KLK10: variants seen among roughly 807,000 people sequenced by gnomAD.
The protein encoded by KLK10 is kallikrein-10.
Under a neutral mutation model 25.7 loss-of-function variants are expected in KLK10, and 27 were observed. That is an observed-to-expected ratio of 1.05 (90% CI 0.77 to 1.45). The LOEUF is 1.45. Ranked by LOEUF, KLK10 falls within the 40% of genes most tolerant of loss-of-function variation. KLK10 has a pLI of 0.00. For synonymous variants in KLK10, 173 were observed against 160.1 expected (o/e 1.08, Z -0.61); for missense variants, 386 against 370.0 (o/e 1.04, Z -0.35).
rs1160299713 is a variant in KLK10 at position 51,019,465 on chromosome 19, G to C, written c.-10+162C>G. Among the ~76,000 whole-genome samples, 1 of 152,134 alleles carries C rather than the reference G, an allele frequency of 6.6e-6. No homozygotes were observed. The highest frequency in any genetic ancestry group is 1.9e-4 in the East Asian group (1 of 5,174). On this transcript the variant is annotated intron_variant, in intron 1 of 5. Transcript: ENST00000358789. This position sits in a 1 kb window ranked among gnomAD's most constrained non-coding sequence, Gnocchi z 4.2. Reference sequence around the variant, plus strand: ...CGCGCGGGGTGGGGATCCGAGGCTCGGAGCCAGTGGGAGCCTCTTTCTCAA... The same window carrying C: ...CGCGCGGGGTGGGGATCCGAGGCTCCGAGCCAGTGGGAGCCTCTTTCTCAA...
intron 5 of KLK10, 54 bp from the exon 6 acceptor site, chr19:51,015,006 A>G (rs2091304911): frequency 6.5e-7 from 1 of 1,549,564 alleles, no homozygotes; most frequent in Non-Finnish European, 8.8e-7. Context: ...GAGAGCTGTC[A>G]CTTTGGGATC....
intron 2 of KLK10, 79 bp downstream of exon 2, chr19:51,018,964 G>T: frequency 9.3e-7 from 1 of 1,071,298 alleles, no homozygotes; most frequent in Non-Finnish European, 1.4e-6. Context: ...GGTGCGCGGG[G>T]CTTGGTGACG....
At chr19:51,015,291 G>T in intron 5 of KLK10, 126 bp downstream of exon 5, 1 of 1,092,458 alleles carries the variant, frequency 9.2e-7, no homozygotes, top group Non-Finnish European at 1.3e-6. Flanking sequence ...TTAGGTCTGG[G>T]TAAGAGTTGG....
intron 2 of KLK10, among the ~76,000 whole-genome samples, chr19:51,018,285 G>A (rs1247940785): frequency 6.7e-6 from 1 of 148,624 alleles, no homozygotes; most frequent in Admixed American, 6.8e-5. Flanking sequence ...CGAAAGGAAG[G>A]AAGGAAAGGA....
Position 51,019,076 on chromosome 19 carries a change from T to G in KLK10, c.55A>C (p.Lys19Gln), listed in dbSNP as rs760407161. ...TGCGCCATCAGCAGCGGCAGCAGCT[T>G]CGCCAGAGCCCGGGCGCCAGAGGCG... is the stretch of plus-strand genomic sequence containing the variant. ...SAASGARALA[K>Q]LLPLLMAQLW... The change falls in exon 2 of 6, where the codon AAG becomes CAG. Residue 19 changes from lysine to glutamine, a missense_variant. Transcript: ENST00000358789. This position sits in a 1 kb window ranked among gnomAD's most constrained non-coding sequence, Gnocchi z 4.2. 2 of 1,607,052 alleles carry G rather than the reference T, an allele frequency of 1.2e-6. No individual in the cohort carries two copies. The highest frequency in any genetic ancestry group is 8.5e-7 in the Non-Finnish European group (1 of 1,179,390).
chr19:51,017,405 G>A (rs2091344610), intron 2 of KLK10, 115 bp from the exon 3 acceptor site: 3 of 917,856 alleles, frequency 3.3e-6, no homozygotes, highest in Admixed American at 2.9e-5. Flanking sequence ...GCCAGAACGC[G>A]AGGGTGGTAG....
Position 51,015,915 on chromosome 19 carries a change from C to G in KLK10, c.511G>C (p.Val171Leu). The change falls in exon 4 of 6, where the codon GTT (valine) becomes CTT (leucine). Residue 171 changes from valine (V) to leucine (L), a missense_variant. Coordinates refer to ENST00000358789, the MANE Select transcript of KLK10 (RefSeq NM_145888.3). ...RCAQPGDQCQ[V>L]AGWGTTAARR... is the part of the protein sequence containing the mutation. Reference sequence around the variant, plus strand: ...GCGGCCGTGGTGCCCCAGCCAGCAACCTGGCACTGGTCTCCGGGCTGAGCA... The same window carrying G: ...GCGGCCGTGGTGCCCCAGCCAGCAAGCTGGCACTGGTCTCCGGGCTGAGCA... 4 of 1,580,146 alleles carry G rather than the reference C, an allele frequency of 2.5e-6. No individual in the cohort carries two copies. The South Asian group carries it at 4.6e-5, about 18-fold the overall frequency.
Position 51,017,118 on chromosome 19 carries a change from G to C in KLK10, c.261C>G (p.Cys87Trp). The C allele has an allele frequency of 1.9e-6, 3 of 1,602,208 alleles. No individual in the cohort carries two copies. Among genetic ancestry groups the C allele is most frequent in the Non-Finnish European group, 2.6e-6 (3 of 1,175,078 alleles). Residue 87 changes from cysteine to tryptophan, a missense_variant, in exon 3 of 6, where the codon TGC (cysteine) becomes TGG (tryptophan). Physicochemically the swap from Cys to Trp is radical, Grantham distance 215. Transcript: ENST00000358789. ...DQSWVLTAAH[C>W]GNKPLWARVG... ...GATGGATCTCCTCCTACTTGTTTCC[G>C]CAGTGCGCGGCCGTCAGCACCCAAC...
Position 51,014,276 on chromosome 19 carries a change from C to T in KLK10, c.*524G>A, listed in dbSNP as rs1020815219. 1 of 154,402 alleles carries T rather than the reference C, an allele frequency of 6.5e-6. No individual in the cohort carries two copies. Among genetic ancestry groups the T allele is most frequent in the South Asian group, 2.0e-4 (1 of 4,956 alleles). The allele number at this position is 154,402 out of a possible 1,614,324, so 9.6% of individuals were successfully genotyped here. On this transcript the variant is annotated 3_prime_UTR_variant, in exon 6 of 6. Transcript: ENST00000358789. ...TCACCGGGACGTGGTCAGATCACGA[C>T]AACAGGTAACCTTTAGTCAGAACTC... is the stretch of plus-strand genomic sequence containing the variant.
rs995725439 is a variant in KLK10 at position 51,018,799 on chromosome 19, G to T, written c.88+244C>A. 5.2e-6 allele frequency: 3 copies of T among 577,072 alleles called. No homozygotes were observed. In the African/African-American group the frequency reaches 5.7e-5, roughly 11 times the overall value. 35.7% of individuals were successfully genotyped at this position (577,072 alleles called of 1,614,324 possible). On this transcript the variant is annotated intron_variant, in intron 2 of 5. Transcript: ENST00000358789. ...AGGAGGAGAAAGAACGCGGCGAAGA[G>T]TCCACGGAAGAGCGAGGATCCGGGT... is the stretch of plus-strand genomic sequence containing the variant.
At position 51,014,551 on chromosome 19, in the gene KLK10, C is replaced by T. The variant is rs1346992412; in HGVS notation, c.*249G>A. Reference sequence around the variant, plus strand: ...GGCTGGGTGATGACCGGCTTCCTGGCTTCTCTGGAATAAACCTTTGCCACC... The same window carrying T: ...GGCTGGGTGATGACCGGCTTCCTGGTTTCTCTGGAATAAACCTTTGCCACC... On this transcript the variant is annotated 3_prime_UTR_variant, in exon 6 of 6. Coordinates refer to ENST00000358789, the MANE Select transcript of KLK10 (RefSeq NM_145888.3). The T allele has an allele frequency of 2.4e-5, 8 of 328,066 alleles. No homozygotes were observed. 20.3% of individuals were successfully genotyped at this position (328,066 alleles called of 1,614,324 possible).
intron 3 of KLK10, 116 bp downstream of exon 3, chr19:51,016,994 A>G: frequency 8.4e-6 from 9 of 1,074,388 alleles, no homozygotes; most frequent in Non-Finnish European, 1.2e-5. Context: ...CTGGAAGGAC[A>G]CCGGGGACCG....
chr19:51,019,243 C>T lies in KLK10; in HGVS notation c.-9-104G>A. 1 of 710,618 alleles carries T rather than the reference C, an allele frequency of 1.4e-6. No individual in the cohort carries two copies. The highest frequency in any genetic ancestry group is 2.3e-6 in the Non-Finnish European group (1 of 434,186). The allele number at this position is 710,618 out of a possible 1,614,324, so 44.0% of individuals were successfully genotyped here. ...CCTGGGCCACCCCAGCCCGCAAGCA[C>T]CCTTTTGACCTGCAGCCGATAACCC... On this transcript the variant is annotated intron_variant, in intron 1 of 5. Transcript: ENST00000358789. This position sits in a 1 kb window ranked among gnomAD's most constrained non-coding sequence, Gnocchi z 4.2.
Position 51,015,541 on chromosome 19 carries a change from T to TTGTA in KLK10, c.550_553dup (p.Asn185IlefsTer16). On this transcript the variant is annotated frameshift_variant, in exon 5 of 6. Transcript: ENST00000358789. LOFTEE classifies it high-confidence loss of function. ...GATGCTGGAGCAGGTCAGGCCCTTG[T>TTGTA]TGTACTTCACTGAAGGGAGAATATG... is the stretch of plus-strand genomic sequence containing the variant. 6.2e-7 allele frequency: 1 copy of TTGTA among 1,613,752 alleles called. No individual in the cohort carries two copies. The highest frequency in any genetic ancestry group is 8.5e-7 in the Non-Finnish European group (1 of 1,179,754).
chr19:51,019,066 G>A lies in KLK10; in HGVS notation c.65C>T (p.Pro22Leu), dbSNP rs767114874. ...SGARALAKLL[P>L]LLMAQLWAAE... ...ACCCCAGAGTTGCGCCATCAGCAGC[G>A]GCAGCAGCTTCGCCAGAGCCCGGGC... Residue 22 changes from proline (P) to leucine (L), a missense_variant, in exon 2 of 6, where the codon CCG becomes CTG. Transcript: ENST00000358789. This position sits in a 1 kb window ranked among gnomAD's most constrained non-coding sequence, Gnocchi z 4.2. 1.1e-5 allele frequency: 18 copies of A among 1,605,834 alleles called. No homozygotes were observed. In the African/African-American group the frequency reaches 2.1e-4, roughly 19 times the overall value.
intron 5 of KLK10, 93 bp downstream of exon 5, chr19:51,015,324 G>T: frequency 7.1e-7 from 1 of 1,412,818 alleles, no homozygotes; most frequent in Non-Finnish European, 9.8e-7. Context: ...GTTTGGGAAT[G>T]GAGTTGGGGA....
At chr19:51,018,418 A>T (rs1349144528) in intron 2 of KLK10, 1 of 152,538 alleles carries the variant, frequency 6.6e-6, no homozygotes, top group East Asian at 1.9e-4. Flanking sequence ...AAGACTCAGG[A>T]TAAAACACGG....
Position 51,014,636 on chromosome 19 carries a change from G to C in KLK10, c.*164C>G. 1.7e-6 allele frequency: 1 copy of C among 604,018 alleles called. No individual in the cohort carries two copies. Among genetic ancestry groups the C allele is most frequent in the South Asian group, 2.1e-5 (1 of 46,642 alleles). The allele number at this position is 604,018 out of a possible 1,614,324, so 37.4% of individuals were successfully genotyped here. A position where few individuals can be genotyped will look rare whatever the true frequency, so the allele number is the denominator to read the frequency against. ...ATGGGGATAGGTGGGGGAATGAGGT[G>C]AGAGGGGAGATGTTTAGAGGTGTGG... On this transcript the variant is annotated 3_prime_UTR_variant, in exon 6 of 6. Coordinates refer to ENST00000358789, the MANE Select transcript of KLK10 (RefSeq NM_145888.3).
chr19:51,017,904 G>A (rs1174954843), intron 2 of KLK10, among the ~76,000 whole-genome samples: 1 of 151,382 alleles, frequency 6.6e-6, no homozygotes. Flanking sequence ...GGGAGGCTGA[G>A]GTGGGAGGAT....
Sources: allele counts gnomAD v4.1 joint callset (sites outside exome capture counted in the v4.1 genomes callset), GRCh38; gene constraint gnomAD v4.1.1; non-coding constraint Gnocchi (gnomAD v3.1); transcripts MANE v1.5; gene names NCBI Gene and HGNC (gene_info 2026-07-23, HGNC 2026-07-21).